AK9: variants seen among roughly 807,000 people sequenced by gnomAD.
AK9 encodes adenylate kinase domain containing 1.
A neutral mutation model predicts 239.6 loss-of-function variants in AK9; 191 were observed. The observed-to-expected ratio is 0.80, with a 90% CI of 0.71 to 0.90. The LOEUF (loss-of-function observed/expected upper bound fraction) is 0.90. Ranked by LOEUF, AK9 falls within the 40% of genes least tolerant of loss-of-function variation. The pLI is 0.00. For synonymous variants in AK9, 689 were observed against 721.0 expected (o/e 0.96, Z 0.71); for missense variants, 1,995 against 2,214.7 (o/e 0.90, Z 1.99).
At chr6:109,633,766 T>C (rs1002162523) in intron 10 of AK9, among the ~76,000 whole-genome samples, 1 of 152,198 alleles carries the variant, frequency 6.6e-6, no homozygotes, top group Non-Finnish European at 1.5e-5. Flanking sequence ...TATGTACAGA[T>C]TGTTTTTGCA....
intron 10 of AK9, among the ~76,000 whole-genome samples, chr6:109,640,529 C>A (rs139837711): frequency 0.01 from 1,586 of 152,140 alleles, 27 homozygotes; most frequent in African/African-American, 0.037. Context: ...CCGCTGGGAG[C>A]TGCAGACTGG....
At chr6:109,623,133 C>G (rs1406921653) in intron 12 of AK9, among the ~76,000 whole-genome samples, 2 of 151,824 alleles carry the variant, frequency 1.3e-5, no homozygotes, top group Non-Finnish European at 2.9e-5. Flanking sequence ...CCTATTGAAG[C>G]TTTATCTGCA....
chr6:109,604,067 G>T (rs1367382455), intron 17 of AK9, among the ~76,000 whole-genome samples: 1 of 151,814 alleles, frequency 6.6e-6, no homozygotes, highest in East Asian at 1.9e-4. Flanking sequence ...TCGGTGCACT[G>T]CCCCCACTAT....
chr6:109,633,744 T>C (rs1796391465), intron 10 of AK9, among the ~76,000 whole-genome samples: 1 of 152,204 alleles, frequency 6.6e-6, no homozygotes, highest in Admixed American at 6.5e-5. Flanking sequence ...CTTTCACATA[T>C]ACCTAAGATG....
At chr6:109,679,837 A>C (rs747192623) in intron 1 of AK9, among the ~76,000 whole-genome samples, 29 of 152,188 alleles carry the variant, frequency 1.9e-4, no homozygotes, top group Non-Finnish European at 4.1e-4. Flanking sequence ...ACCTCCAGCA[A>C]ACTCCAGCAG....
At chr6:109,548,741 T>A (rs985139966) in intron 25 of AK9, among the ~76,000 whole-genome samples, 2 of 152,198 alleles carry the variant, frequency 1.3e-5, no homozygotes, top group Admixed American at 6.5e-5. Flanking sequence ...TGCACCCAGA[T>A]CATCTGCTGA....
intron 17 of AK9, among the ~76,000 whole-genome samples, chr6:109,598,225 C>T (rs1447867457): frequency 7.3e-5 from 10 of 136,066 alleles, no homozygotes; most frequent in Middle Eastern, 3.7e-3. Context: ...CCTCCCCCCT[C>T]CCCCCACCCC....
At chr6:109,597,688 T>G (rs1035926144) in intron 17 of AK9, among the ~76,000 whole-genome samples, 2 of 151,296 alleles carry the variant, frequency 1.3e-5, no homozygotes, top group African/African-American at 4.9e-5. Context: ...AAATTTTTTT[T>G]TATTGCAACC....
intron 10 of AK9, among the ~76,000 whole-genome samples, chr6:109,639,029 A>AT (rs1797068685): frequency 1.3e-5 from 2 of 151,992 alleles, no homozygotes; most frequent in Non-Finnish European, 1.5e-5. Flanking sequence ...TATGTGCCAC[A>AT]TTTTCTTAAT....
chr6:109,503,404 G>A (rs1777790817), intron 35 of AK9, among the ~76,000 whole-genome samples: 1 of 152,026 alleles, frequency 6.6e-6, no homozygotes, highest in African/African-American at 2.4e-5. Context: ...GGATATTCTG[G>A]ATGACATCTG....
At chr6:109,571,341 T>C (rs1031420311) in intron 21 of AK9, among the ~76,000 whole-genome samples, 14 of 152,182 alleles carry the variant, frequency 9.2e-5, no homozygotes, top group Non-Finnish European at 2.1e-4. Flanking sequence ...CTTTCCAAAA[T>C]GCTATCTGAA....
At chr6:109,559,262 G>T (rs1436969856) in intron 24 of AK9, among the ~76,000 whole-genome samples, 1 of 151,686 alleles carries the variant, frequency 6.6e-6, no homozygotes, top group African/African-American at 2.4e-5. Context: ...CTGCCTCCCG[G>T]GTTCATGCCA....
intron 17 of AK9, among the ~76,000 whole-genome samples, chr6:109,609,502 A>G (rs1793316679): frequency 6.6e-6 from 1 of 152,196 alleles, no homozygotes; most frequent in African/African-American, 2.4e-5. Flanking sequence ...GGTACTCATA[A>G]TATTTCTGAA....
chr6:109,646,690 C>A lies in AK9; in HGVS notation c.760-2002G>T, dbSNP rs148415651. ...TCAGGATATTATCCAGGAAAACTTC[C>A]CCAACCTAGCAAGGCAGGCCAACAT... On this transcript the variant is annotated intron_variant, in intron 8 of 40. Coordinates refer to ENST00000424296, the MANE Select transcript of AK9 (RefSeq NM_001145128.3). Among the ~76,000 whole-genome samples the A allele has an allele frequency of 1.2e-3, 175 of 152,166 alleles. 2 individuals carry two copies. The highest frequency in any genetic ancestry group is 3.4e-3 in the Middle Eastern group (1 of 292).
intron 21 of AK9, among the ~76,000 whole-genome samples, chr6:109,566,223 G>A (rs1172076994): frequency 6.6e-6 from 1 of 152,136 alleles, no homozygotes; most frequent in East Asian, 1.9e-4. Flanking sequence ...AGAAGTCTAA[G>A]TGAAAAGTAC....
chr6:109,649,929 C>G (rs922371119), intron 8 of AK9, among the ~76,000 whole-genome samples: 1 of 152,044 alleles, frequency 6.6e-6, no homozygotes, highest in Non-Finnish European at 1.5e-5. Flanking sequence ...GAAATAATGC[C>G]GCAGATCTAC....
intron 29 of AK9, among the ~76,000 whole-genome samples, chr6:109,518,262 G>A (rs1170316333): frequency 6.6e-6 from 1 of 151,990 alleles, no homozygotes; most frequent in Admixed American, 6.5e-5. Context: ...TATGGAGCAG[G>A]GTTTTTCAGT....
At chr6:109,534,086 T>C (rs142187206) in intron 27 of AK9, among the ~76,000 whole-genome samples, 1 of 152,166 alleles carries the variant, frequency 6.6e-6, no homozygotes, top group East Asian at 1.9e-4. Flanking sequence ...TTAATGTATG[T>C]ATCCTGGTTC....
intron 13 of AK9, 87 bp from the exon 14 acceptor site, chr6:109,614,567 T>C (rs2128242419): frequency 9.5e-7 from 1 of 1,049,978 alleles, no homozygotes; most frequent in Admixed American, 2.0e-5. Context: ...GCTTCAAAGT[T>C]AGACACAGTT....
Sources: gnomAD v4.1 joint callset for allele counts (sites outside exome capture counted in the v4.1 genomes callset) on GRCh38, gnomAD v4.1.1 for gene constraint, MANE v1.5 for transcripts, NCBI Gene and HGNC (gene_info 2026-07-23, HGNC 2026-07-21) for gene names.